The following BEAN1 variants were observed in gnomAD, a reference collection of about 807,000 sequenced individuals.
BEAN1 encodes protein BEAN1.
A neutral mutation model predicts 17.7 loss-of-function variants in BEAN1; 17 were observed. That is an observed-to-expected ratio of 0.96 (90% CI 0.66 to 1.44). BEAN1 has a LOEUF of 1.44. Ranked by LOEUF, BEAN1 falls within the 40% of genes most tolerant of loss-of-function variation. The pLI, the probability that BEAN1 is intolerant of heterozygous loss-of-function variation, is 0.00. For missense variants in BEAN1, 359 were observed against 374.1 expected (o/e 0.96, Z 0.33); for synonymous variants, 142 against 151.8 (o/e 0.94, Z 0.47).
chr16:66,440,123 C>CTTTTTTTT (rs386384954), intron 2 of BEAN1, among the ~76,000 whole-genome samples: 1 of 75,374 alleles, frequency 1.3e-5, no homozygotes, highest in Non-Finnish European at 2.4e-5. Flanking sequence ...TTGGGTACTT[C>CTTTTTTTT]TTTTTTTTTT....
Position 66,480,843 on chromosome 16 carries a change from G to A in BEAN1, c.698G>A (p.Gly233Asp). The change falls in exon 5 of 5, where the codon GGC becomes GAC. Residue 233 changes from glycine to aspartate, a missense_variant. Coordinates refer to ENST00000536005, the MANE Select transcript of BEAN1 (RefSeq NM_001178020.3). The stretch of plus-strand genomic sequence containing the variant: ...CCATCAGGCCTGCTGCCACTGCCGG[G>A]CCCAGACCCAGGGCCAAGGGGCTCC... ...GPPSGLLPLPGPDPGPRGSQG... is the reference protein window; with the variant it reads ...GPPSGLLPLPDPDPGPRGSQG... 1.3e-6 allele frequency: 2 copies of A among 1,521,894 alleles called. No individual in the cohort carries two copies. The highest frequency in any genetic ancestry group is 1.8e-6 in the Non-Finnish European group (2 of 1,129,642). 94.3% of individuals were successfully genotyped at this position (1,521,894 alleles called of 1,614,324 possible).
chr16:66,491,026 C>A lies in BEAN1; in HGVS notation c.148-1936C>A, dbSNP rs547021118. Among the ~76,000 whole-genome samples the A allele has an allele frequency of 5.9e-5, 9 of 152,298 alleles. No individual in the cohort carries two copies. In the South Asian group the frequency reaches 8.3e-4, roughly 14 times the overall value. On this transcript the variant is annotated intron_variant, in intron 4 of 4. Transcript: ENST00000561796. Reference sequence around the variant, plus strand: ...CAGGACTCTATCCTCCATATCCAGCCCCCCCGAAGCCACCATGAGCAGGTC... The same window carrying A: ...CAGGACTCTATCCTCCATATCCAGCACCCCCGAAGCCACCATGAGCAGGTC...
chr16:66,457,615 T>C (rs2142409742), intron 2 of BEAN1, among the ~76,000 whole-genome samples: 1 of 152,232 alleles, frequency 6.6e-6, no homozygotes, highest in East Asian at 1.9e-4. Flanking sequence ...CTGCCCATGC[T>C]CTTCTCTCCC....
chr16:66,493,712 C>A (rs1411793717), downstream of BEAN1, among the ~76,000 whole-genome samples: 1 of 152,168 alleles, frequency 6.6e-6, no homozygotes, highest in South Asian at 2.1e-4. Context: ...CTGCCCGACA[C>A]CAGGTCCCCA....
At chr16:66,454,174 A>G (rs1221602473) in intron 2 of BEAN1, among the ~76,000 whole-genome samples, 3 of 152,202 alleles carry the variant, frequency 2.0e-5, no homozygotes, top group Non-Finnish European at 4.4e-5. Context: ...TATGTGGTCT[A>G]TCCTGGAGAA....
chr16:66,431,708 C>A (rs368479280), intron 1 of BEAN1, among the ~76,000 whole-genome samples: 1 of 152,018 alleles, frequency 6.6e-6, no homozygotes, highest in Non-Finnish European at 1.5e-5. Context: ...GTTTTCCCCC[C>A]CTTAACATTA....
chr16:66,472,904 C>G (rs1488440828), intron 3 of BEAN1, among the ~76,000 whole-genome samples: 1 of 151,194 alleles, frequency 6.6e-6, no homozygotes, highest in Non-Finnish European at 1.5e-5. Context: ...TGCCTGTAGT[C>G]CCAGCTATTC....
intron 3 of BEAN1, among the ~76,000 whole-genome samples, chr16:66,472,540 C>T (rs868022142): frequency 9.9e-5 from 15 of 152,128 alleles, no homozygotes; most frequent in Non-Finnish European, 2.2e-4. Context: ...CTTGTCTCTA[C>T]TAAAAATACA....
chr16:66,447,082 C>A (rs1962484478), intron 2 of BEAN1, among the ~76,000 whole-genome samples: 1 of 152,122 alleles, frequency 6.6e-6, no homozygotes, highest in African/African-American at 2.4e-5. Context: ...TCAGCCTGGG[C>A]AGCATACCAA....
rs774348951 is a variant in BEAN1 at position 66,480,606 on chromosome 16, CA to C, written c.462del (p.Ala156ProfsTer16). 1 of 1,543,724 alleles carries C rather than the reference CA, an allele frequency of 6.5e-7. No individual in the cohort carries two copies. The highest frequency in any genetic ancestry group is 1.2e-5 in the South Asian group (1 of 83,570). On this transcript the variant is annotated frameshift_variant, in exon 5 of 5. Coordinates refer to ENST00000536005, the MANE Select transcript of BEAN1 (RefSeq NM_001178020.3). LOFTEE classifies it low-confidence loss of function (END_TRUNC). ...SPPGYEECVGPGATQLYVPTD... is the reference protein window; with the variant it reads ...SPPGYEECVGXGATQLYVPTD... ...CGTAGCTACGAGGAGTGTGTGGGGC[CA>C]GGGGCCACTCAGCTGTATGTCCCCA...
At chr16:66,474,650 G>GAGGGAGGT (rs1963658594) in intron 3 of BEAN1, among the ~76,000 whole-genome samples, 1 of 94,078 alleles carries the variant, frequency 1.1e-5, no homozygotes. Flanking sequence ...GGGAGGGAGG[G>GAGGGAGGT]GAAATAGAGA....
intron 2 of BEAN1, among the ~76,000 whole-genome samples, chr16:66,440,355 T>G (rs1397893688): frequency 6.6e-6 from 1 of 152,092 alleles, no homozygotes; most frequent in Non-Finnish European, 1.5e-5. Context: ...CGTCTCGAAC[T>G]CCTGACTTCA....
At position 66,471,983 on chromosome 16, in the gene BEAN1, G is replaced by A. The variant is rs142776086; in HGVS notation, c.289+2118G>A. ...ATGGTCAGTCTGCCGCCTGCCCCTC[G>A]CACAGCCTGGCCCTTGCCCAGCTCC... On this transcript the variant is annotated intron_variant, in intron 3 of 4. Coordinates refer to ENST00000536005, the MANE Select transcript of BEAN1 (RefSeq NM_001178020.3). The surrounding 1 kb of genome is among the most constrained non-coding windows in gnomAD (Gnocchi z 4.7). Among the ~76,000 whole-genome samples, 187 of 152,298 alleles carry A rather than the reference G, an allele frequency of 1.2e-3. No homozygotes were observed. The highest frequency in any genetic ancestry group is 4.1e-3 in the African/African-American group (172 of 41,548).
Position 66,463,762 on chromosome 16 carries a change from G to A in BEAN1, c.26-5840G>A, listed in dbSNP as rs189554625. Among the ~76,000 whole-genome samples the A allele has an allele frequency of 5.3e-4, 81 of 152,236 alleles. No individual in the cohort carries two copies. The East Asian group carries it at 0.013, about 25-fold the overall frequency. On this transcript the variant is annotated intron_variant, in intron 2 of 4. Coordinates refer to ENST00000536005, the MANE Select transcript of BEAN1 (RefSeq NM_001178020.3). ...TTTATCTAAGAGTTTTATAGTTTTA[G>A]GTCATACATTTAGGTCTTTAATCCA... is the stretch of plus-strand genomic sequence containing the variant.
intron 3 of BEAN1, among the ~76,000 whole-genome samples, chr16:66,474,622 G>GGGAGGA (rs1597038091): frequency 5.6e-5 from 2 of 35,464 alleles, no homozygotes; most frequent in Non-Finnish European, 6.6e-5. Context: ...GGGAGGAAGG[G>GGGAGGA]AGGGAGGGAG....
At chr16:66,444,491 GGGA>G (rs904953675) in intron 2 of BEAN1, among the ~76,000 whole-genome samples, 1 of 152,178 alleles carries the variant, frequency 6.6e-6, no homozygotes, top group African/African-American at 2.4e-5. Context: ...GAGGATGGAG[GGGA>G]GGAAGACAGA....
intron 3 of BEAN1, among the ~76,000 whole-genome samples, chr16:66,470,759 C>T (rs1445565469): frequency 6.6e-6 from 1 of 152,178 alleles, no homozygotes; most frequent in African/African-American, 2.4e-5. Flanking sequence ...AACGCAGCCA[C>T]CTGACTGTGT....
rs1422716962 is a variant in BEAN1 at position 66,477,693 on chromosome 16, C to T, written c.423C>T (p.Tyr141=). Residue 141 remains tyrosine (Y), a synonymous_variant, in exon 4 of 5, where the codon TAC becomes TAT. Transcript: ENST00000536005. ...DVDATVLREL[Y]PDSPPGYEEC... is the part of the protein sequence containing the mutation. ...ATGCCACGGTGCTCAGGGAGCTGTA[C>T]CCAGATTCTCCACCAGGGTAAGGAG... 1.3e-6 allele frequency: 2 copies of T among 1,548,108 alleles called. No individual in the cohort carries two copies. Among genetic ancestry groups the T allele is most frequent in the Non-Finnish European group, 1.7e-6 (2 of 1,145,354 alleles).
rs772433933 is a variant in BEAN1 at position 66,470,018 on chromosome 16, C to G, written c.289+153C>G. ...TGGGTGGTCAGGAAGAGCTCACAGG[C>G]GCCCACCATAATGTTCTCGGTGACA... On this transcript the variant is annotated intron_variant, in intron 3 of 4. Transcript: ENST00000536005. 7.5e-6 allele frequency: 8 copies of G among 1,069,436 alleles called. No individual in the cohort carries two copies. In the Admixed American group the frequency reaches 1.1e-4, roughly 15 times the overall value. 66.2% of individuals were successfully genotyped at this position (1,069,436 alleles called of 1,614,324 possible).
Sources: gnomAD v4.1 joint callset for allele counts (sites outside exome capture counted in the v4.1 genomes callset) on GRCh38, gnomAD v4.1.1 for gene constraint, Gnocchi (gnomAD v3.1) non-coding constraint, MANE v1.5 for transcripts, NCBI Gene and HGNC (gene_info 2026-07-23, HGNC 2026-07-21) for gene names.